The following ROCK1 variants were observed in gnomAD, a reference collection of about 807,000 sequenced individuals.
ROCK1 encodes rho-associated protein kinase 1.
A neutral mutation model predicts 196.8 loss-of-function variants in ROCK1; 36 were observed. That is an observed-to-expected ratio of 0.18 (90% CI 0.14 to 0.24). ROCK1 has a LOEUF of 0.24. Ranked by LOEUF, ROCK1 falls within the 10% of genes least tolerant of loss-of-function variation. ROCK1 has a pLI of 1.00. For synonymous variants in ROCK1, 443 were observed against 515.9 expected (o/e 0.86, Z 1.91); for missense variants, 920 against 1,562.0 (o/e 0.59, Z 6.93).
Position 20,962,292 on chromosome 18 carries a change from C to T in ROCK1, c.3353-2086G>A, listed in dbSNP as rs546572507. On this transcript the variant is annotated intron_variant, in intron 27 of 32. Transcript: ENST00000399799. ...TTTCCCATTAGTGTGGTAGAAATTG[C>T]AGCTCTGGTTTTAAAGTGTAGTTTG... Among the ~76,000 whole-genome samples, 5 of 152,086 alleles carry T rather than the reference C, an allele frequency of 3.3e-5. No individual in the cohort carries two copies. The East Asian group carries it at 9.6e-4, about 29-fold the overall frequency.
intron 1 of ROCK1, among the ~76,000 whole-genome samples, chr18:21,092,021 G>C (rs2036574827): frequency 6.6e-6 from 1 of 152,090 alleles, no homozygotes; most frequent in Non-Finnish European, 1.5e-5. Flanking sequence ...TTGGGGAGGA[G>C]TCAAAGTTAC....
At chr18:21,010,799 T>C (rs1182703440) in intron 13 of ROCK1, among the ~76,000 whole-genome samples, 5 of 152,224 alleles carry the variant, frequency 3.3e-5, no homozygotes, top group Admixed American at 6.5e-5. Flanking sequence ...ACAATAATTA[T>C]GGATTGGTCT....
chr18:20,986,296 T>G (rs753214616), intron 19 of ROCK1, among the ~76,000 whole-genome samples: 2 of 152,206 alleles, frequency 1.3e-5, no homozygotes, highest in Non-Finnish European at 2.9e-5. Context: ...ATGCATCTTC[T>G]TATCCAGCCG....
At chr18:21,104,507 G>A (rs1187226460) in intron 1 of ROCK1, among the ~76,000 whole-genome samples, 3 of 152,232 alleles carry the variant, frequency 2.0e-5, no homozygotes, top group Non-Finnish European at 2.9e-5. Context: ...TGAGGCAGGA[G>A]AATGGCGTGA....
At chr18:20,976,775 T>C (rs1350908905) in intron 22 of ROCK1, among the ~76,000 whole-genome samples, 1 of 152,194 alleles carries the variant, frequency 6.6e-6, no homozygotes, top group Non-Finnish European at 1.5e-5. Context: ...GTGGTATCCA[T>C]TTCTGTTTGG....
intron 21 of ROCK1, among the ~76,000 whole-genome samples, chr18:20,981,476 T>C (rs2035532966): frequency 6.6e-6 from 1 of 152,198 alleles, no homozygotes; most frequent in Non-Finnish European, 1.5e-5. Context: ...TTCAGAACAA[T>C]GGCTCTTACA....
intron 2 of ROCK1, among the ~76,000 whole-genome samples, chr18:21,055,940 C>G (rs2036242001): frequency 1.3e-5 from 2 of 152,226 alleles, no homozygotes; most frequent in African/African-American, 4.8e-5. Flanking sequence ...ATTCTCAGCC[C>G]TCATCTTGAT....
chr18:20,974,067 G>A (rs2035456307), intron 22 of ROCK1, among the ~76,000 whole-genome samples: 1 of 152,108 alleles, frequency 6.6e-6, no homozygotes, highest in African/African-American at 2.4e-5. Flanking sequence ...ACCGTGCCCA[G>A]CAATATTTGG....
intron 11 of ROCK1, among the ~76,000 whole-genome samples, chr18:21,022,843 G>GGTGTGTGTGTATATATGTGT (rs1555750117): frequency 1.3e-5 from 2 of 151,838 alleles, no homozygotes; most frequent in Admixed American, 1.3e-4. Flanking sequence ...GCAAAAATAT[G>GGTGTGTGTGTATATATGTGT]GTGTGTGTGT....
chr18:20,967,693 G>A, intron 26 of ROCK1, 59 bp downstream of exon 26: 1 of 1,277,584 alleles, frequency 7.8e-7, no homozygotes. Flanking sequence ...AGTATATACA[G>A]AAATAATTTA....
chr18:21,023,564 T>C (rs545654456), intron 11 of ROCK1, 56 bp downstream of exon 11: 3 of 957,936 alleles, frequency 3.1e-6, no homozygotes, highest in Non-Finnish European at 1.6e-6. Flanking sequence ...CCCACAAATA[T>C]ATTATCCACA....
At chr18:21,028,738 C>A in intron 10 of ROCK1, 38 bp downstream of exon 10, 3 of 1,516,830 alleles carry the variant, frequency 2.0e-6, no homozygotes, top group East Asian at 2.4e-5. Flanking sequence ...AGAACAAAAT[C>A]AGCACTTACT....
intron 25 of ROCK1, 68 bp from the exon 26 acceptor site, chr18:20,968,008 T>C: frequency 7.9e-7 from 1 of 1,260,604 alleles, no homozygotes; most frequent in Non-Finnish European, 1.0e-6. Context: ...TGTATTTTTT[T>C]CTTCAAAATC....
At chr18:21,086,519 TC>T (rs1013819128) in intron 1 of ROCK1, among the ~76,000 whole-genome samples, 2 of 152,162 alleles carry the variant, frequency 1.3e-5, no homozygotes, top group African/African-American at 4.8e-5. Context: ...AGAGAATCAT[TC>T]ATTTTCCATG....
chr18:21,046,032 T>C (rs1157639824), intron 4 of ROCK1, among the ~76,000 whole-genome samples: 1 of 146,888 alleles, frequency 6.8e-6, no homozygotes, highest in East Asian at 2.2e-4. Flanking sequence ...TACCTCAGCC[T>C]CCCGAGGAGC....
chr18:21,020,443 T>C (rs1249829638), intron 11 of ROCK1, among the ~76,000 whole-genome samples: 1 of 152,074 alleles, frequency 6.6e-6, no homozygotes, highest in Non-Finnish European at 1.5e-5. Context: ...AATACAAAAA[T>C]TAAAAAGATT....
intron 2 of ROCK1, among the ~76,000 whole-genome samples, chr18:21,059,089 AAT>A (rs958210457): frequency 6.6e-6 from 1 of 152,008 alleles, no homozygotes; most frequent in Non-Finnish European, 1.5e-5. Context: ...ATGGCAAAAA[AAT>A]ATATATATAT....
rs777341450 is a variant in ROCK1, at chr18:20,991,273, T to C, written c.2046A>G (p.Gln682=). 1.9e-6 allele frequency: 3 copies of C among 1,607,242 alleles called. No homozygotes were observed. In the Admixed American group the frequency reaches 5.0e-5, roughly 27 times the overall value. ...DLNYKLKSLQ[Q]RLEQEVNEHK... ...GTTCATTTACCTCTTGTTCTAACCG[T>C]TGTTGTAATGATTTAAGTTTGTAGT... The change falls in exon 18 of 33, where the codon CAA becomes CAG. Residue 682 remains glutamine, a synonymous_variant. Transcript: ENST00000399799.
At chr18:21,078,341 T>TACACACACACAC (rs59499705) in intron 1 of ROCK1, among the ~76,000 whole-genome samples, 8 of 128,786 alleles carry the variant, frequency 6.2e-5, no homozygotes, top group Admixed American at 2.4e-4. Flanking sequence ...AACACCCACC[T>TACACACACACAC]ACACACACAC....
Sources: gnomAD v4.1 joint callset for allele counts (sites outside exome capture counted in the v4.1 genomes callset) on GRCh38, gnomAD v4.1.1 for gene constraint, MANE v1.5 for transcripts, NCBI Gene and HGNC (gene_info 2026-07-23, HGNC 2026-07-21) for gene names.